Variants in WNT2B observed in about 807,000 individuals in gnomAD.
The protein encoded by WNT2B is Wnt family member 2B.
A neutral mutation model predicts 40.5 loss-of-function variants in WNT2B; 19 were observed. The ratio of observed to expected loss-of-function variants is 0.47; its 90% confidence interval spans 0.33 to 0.69. The LOEUF (loss-of-function observed/expected upper bound fraction) is 0.69. Ranked by LOEUF, WNT2B falls within the 30% of genes least tolerant of loss-of-function variation. The pLI, the probability that WNT2B is intolerant of heterozygous loss-of-function variation, is 0.02. For missense variants in WNT2B, 467 were observed against 556.4 expected (o/e 0.84, Z 1.62); for synonymous variants, 220 against 211.9 (o/e 1.04, Z -0.33).
Position 112,509,161 on chromosome 1 carries a change from C to A in WNT2B, c.-102C>A. On this transcript the variant is annotated 5_prime_UTR_variant, in exon 1 of 5. Coordinates refer to ENST00000369684, the MANE Select transcript of WNT2B (RefSeq NM_024494.3). The surrounding 1 kb of genome is among the most constrained non-coding windows in gnomAD (Gnocchi z 4.2). ...CTAGGTCCCCAGCCGCCGGCGAACA[C>A]CATGGCCCCCCAGGGGGGTGAGGTA... The A allele has an allele frequency of 7.2e-7, 1 of 1,384,272 alleles. No individual in the cohort carries two copies. Among genetic ancestry groups the A allele is most frequent in the Non-Finnish European group, 9.3e-7 (1 of 1,078,516 alleles). 85.7% of individuals were successfully genotyped at this position (1,384,272 alleles called of 1,614,324 possible). A position where few individuals can be genotyped will look rare whatever the true frequency, so the allele number is the denominator to read the frequency against.
chr1:112,525,796 G>C lies in WNT2B; in HGVS notation c.*5287G>C. The C allele has an allele frequency of 1.8e-6, 1 of 550,510 alleles. No homozygotes were observed. The highest frequency in any genetic ancestry group is 3.5e-5 in the South Asian group (1 of 28,846). The allele number at this position is 550,510 out of a possible 1,614,324, so 34.1% of individuals were successfully genotyped here. A position where few individuals can be genotyped will look rare whatever the true frequency, so the allele number is the denominator to read the frequency against. ...AAGGCTAAGCTGAATGAAGAAAAAAGGAAGACAATTTCATCTACAGTTGTC... is the reference window on the plus strand; with the variant it reads ...AAGGCTAAGCTGAATGAAGAAAAAACGAAGACAATTTCATCTACAGTTGTC... On this transcript the variant is annotated 3_prime_UTR_variant, in exon 5 of 5. Transcript: ENST00000369684.
At chr1:112,508,634 C>T, upstream of WNT2B, 1 of 872,606 alleles carries the variant, frequency 1.1e-6, no homozygotes. The surrounding 1 kb of genome is among the most constrained non-coding windows in gnomAD (Gnocchi z 4.2). Context: ...TGCCCGCATC[C>T]CCTTCCCGCT....
At chr1:112,500,992 T>C (rs1651934023) in intron 1 of WNT2B, among the ~76,000 whole-genome samples, 1 of 152,180 alleles carries the variant, frequency 6.6e-6, no homozygotes, top group Non-Finnish European at 1.5e-5. Context: ...TTTTCCCCAG[T>C]GTCCTCTTCC....
At chr1:112,496,068 T>C (rs1196995325) in intron 1 of WNT2B, among the ~76,000 whole-genome samples, 2 of 152,318 alleles carry the variant, frequency 1.3e-5, no homozygotes, top group Non-Finnish European at 2.9e-5. Context: ...GTCACATTAA[T>C]AGTGCCATTA....
At chr1:112,510,395 C>T (rs559784237) in intron 1 of WNT2B, among the ~76,000 whole-genome samples, 151 of 152,304 alleles carry the variant, frequency 9.9e-4, no homozygotes, top group African/African-American at 3.4e-3. Context: ...CTTTCCTCTT[C>T]ACCCCACAAT....
rs1653215912 is a variant in WNT2B, at chr1:112,525,217, T to TA, written c.*4710dup. ...ATGACCTGTGGTTGTTTTTAACTCTTAACTGGGTTAGAAAACTGGAGAGCT... is the reference window on the plus strand; with the variant it reads ...ATGACCTGTGGTTGTTTTTAACTCTTAAACTGGGTTAGAAAACTGGAGAGCT... On this transcript the variant is annotated 3_prime_UTR_variant, in exon 5 of 5. Transcript: ENST00000369684. The TA allele has an allele frequency of 6.6e-6, 1 of 152,234 alleles. No homozygotes were observed. The highest frequency in any genetic ancestry group is 2.4e-5 in the African/African-American group (1 of 41,446). 9.4% of individuals were successfully genotyped at this position (152,234 alleles called of 1,614,324 possible).
At chr1:112,483,765 A>G (rs551164087) in intron 1 of WNT2B, among the ~76,000 whole-genome samples, 165 of 139,546 alleles carry the variant, frequency 1.2e-3, no homozygotes, top group Admixed American at 2.4e-3. Context: ...TAAGGAACTC[A>G]TACAACTGAA....
chr1:112,472,204 G>C (rs1252062729), intron 1 of WNT2B, among the ~76,000 whole-genome samples: 1 of 152,218 alleles, frequency 6.6e-6, no homozygotes, highest in African/African-American at 2.4e-5. Flanking sequence ...ATCTCCTTAA[G>C]TTCAGGAGGT....
chr1:112,491,005 G>A (rs373335061), intron 1 of WNT2B: 6 of 1,613,648 alleles, frequency 3.7e-6, no homozygotes, highest in African/African-American at 2.7e-5. Flanking sequence ...TTTCTTTTCC[G>A]ACCAGACTGA....
chr1:112,498,917 G>C (rs893955900), intron 1 of WNT2B, among the ~76,000 whole-genome samples: 1 of 152,032 alleles, frequency 6.6e-6, no homozygotes, highest in Non-Finnish European at 1.5e-5. Flanking sequence ...CAATTTCAAA[G>C]CTGCTTCCAG....
At chr1:112,507,206 A>G (rs972581404), upstream of WNT2B, among the ~76,000 whole-genome samples, 4 of 152,024 alleles carry the variant, frequency 2.6e-5, no homozygotes, top group South Asian at 2.1e-4. Context: ...CATCCCCTTG[A>G]CTGTGCTCTC....
rs1046845913 is a variant in WNT2B, at chr1:112,526,986, G to A, written c.*6477G>A. On this transcript the variant is annotated 3_prime_UTR_variant, in exon 5 of 5. Coordinates refer to ENST00000369684, the MANE Select transcript of WNT2B (RefSeq NM_024494.3). ...CCTGCAGAGAAACCCATGAGATGAG[G>A]CAGACAGCAGATTTTCACTTGATCA... is the stretch of plus-strand genomic sequence containing the variant. The A allele has an allele frequency of 6.6e-6, 1 of 152,172 alleles. No individual in the cohort carries two copies. The highest frequency in any genetic ancestry group is 1.5e-5 in the Non-Finnish European group (1 of 68,054). 9.4% of individuals were successfully genotyped at this position (152,172 alleles called of 1,614,324 possible).
rs546535502 is a variant in WNT2B at position 112,519,015 on chromosome 1, T to C, written c.947-1265T>C. 3.9e-5 allele frequency among the ~76,000 whole-genome samples: 6 copies of C among 152,280 alleles called. No homozygotes were observed. In the South Asian group the frequency reaches 8.3e-4, roughly 21 times the overall value. On this transcript the variant is annotated intron_variant, in intron 4 of 4. Coordinates refer to ENST00000369684, the MANE Select transcript of WNT2B (RefSeq NM_024494.3). Reference sequence around the variant, plus strand: ...TCATTAATTTAGATGTAAAAGACCATATGTGACTAGTGGCTGCTACCCTGG... The same window carrying C: ...TCATTAATTTAGATGTAAAAGACCACATGTGACTAGTGGCTGCTACCCTGG...
At chr1:112,508,444 C>T (rs1402776233), upstream of WNT2B, among the ~76,000 whole-genome samples, 1 of 151,770 alleles carries the variant, frequency 6.6e-6, no homozygotes, top group Non-Finnish European at 1.5e-5. This position sits in a 1 kb window ranked among gnomAD's most constrained non-coding sequence, Gnocchi z 4.2. Flanking sequence ...CTGAAAGCAT[C>T]CCCTGCTAGA....
intron 1 of WNT2B, among the ~76,000 whole-genome samples, chr1:112,499,372 T>A (rs553617822): frequency 6.6e-6 from 1 of 152,298 alleles, no homozygotes; most frequent in South Asian, 2.1e-4. Context: ...CTCAGACTAA[T>A]ATCTCTCATG....
intron 1 of WNT2B, among the ~76,000 whole-genome samples, chr1:112,478,941 G>T (rs2101053771): frequency 6.6e-6 from 1 of 152,100 alleles, no homozygotes; most frequent in Middle Eastern, 3.4e-3. Context: ...AAACTAAAGG[G>T]CTGGGCGCAG....
rs1570813830 is a variant in WNT2B, at chr1:112,524,769, G to C, written c.*4260G>C. 1.3e-5 allele frequency: 2 copies of C among 152,018 alleles called. No homozygotes were observed. Among genetic ancestry groups the C allele is most frequent in the South Asian group, 2.1e-4 (1 of 4,816 alleles). 9.4% of individuals were successfully genotyped at this position (152,018 alleles called of 1,614,324 possible). ...CCATGAGGTTACACACACACACACA[G>C]AGGTGTACATATACAGACACATAGA... is the stretch of plus-strand genomic sequence containing the variant. On this transcript the variant is annotated 3_prime_UTR_variant, in exon 5 of 5. Transcript: ENST00000369684.
chr1:112,484,290 T>TATATATACACAC (rs1294363726), intron 1 of WNT2B, among the ~76,000 whole-genome samples: 1 of 126,050 alleles, frequency 7.9e-6, no homozygotes, highest in African/African-American at 3.4e-5. Context: ...TATATATATA[T>TATATATACACAC]ACACACACAT....
intron 1 of WNT2B, among the ~76,000 whole-genome samples, chr1:112,510,692 C>T (rs1652319411): frequency 1.3e-5 from 2 of 151,300 alleles, no homozygotes; most frequent in African/African-American, 4.9e-5. Context: ...AGAAAAATCT[C>T]TTTTGAATTT....
Sources: gnomAD v4.1 joint callset for allele counts (sites outside exome capture counted in the v4.1 genomes callset) on GRCh38, gnomAD v4.1.1 for gene constraint, Gnocchi (gnomAD v3.1) non-coding constraint, MANE v1.5 for transcripts, NCBI Gene and HGNC (gene_info 2026-07-23, HGNC 2026-07-21) for gene names.